Variants in CDYL observed in about 807,000 individuals in gnomAD.
CDYL encodes the protein chromodomain Y like.
Under a neutral mutation model 47.3 loss-of-function variants are expected in CDYL, and 8 were observed. That is an observed-to-expected ratio of 0.17 (90% confidence interval 0.10 to 0.31). CDYL has a LOEUF of 0.31. Among genes scored for constraint, CDYL ranks in the 10% least tolerant of loss-of-function variants. CDYL has a pLI of 1.00. For synonymous variants in CDYL, 266 were observed against 265.0 expected (o/e 1.00, Z -0.04); for missense variants, 471 against 701.4 (o/e 0.67, Z 3.71).
chr6:4,782,804 G>A (rs1001542454), intron 1 of CDYL, among the ~76,000 whole-genome samples: 1 of 152,122 alleles, frequency 6.6e-6, no homozygotes, highest in African/African-American at 2.4e-5. Context: ...TGCCCTCCAC[G>A]GACCACTTTG....
At chr6:4,730,154 G>A (rs1226928658) in intron 2 of CDYL, among the ~76,000 whole-genome samples, 1 of 152,136 alleles carries the variant, frequency 6.6e-6, no homozygotes, top group Non-Finnish European at 1.5e-5. Context: ...TTTGCTGGGG[G>A]TAAACTACAG....
At chr6:4,881,584 A>G (rs942985480) in intron 1 of CDYL, among the ~76,000 whole-genome samples, 1 of 152,232 alleles carries the variant, frequency 6.6e-6, no homozygotes, top group African/African-American at 2.4e-5. Flanking sequence ...TTGTAACAGT[A>G]TAATTCAATT....
At position 4,895,378 on chromosome 6, in the gene CDYL, T is replaced by TATATATGTGCATATATGCATGTATAC. The variant is rs1554105748; in HGVS notation, c.691+3002_691+3027dup. On this transcript the variant is annotated intron_variant, in intron 2 of 6. Coordinates refer to ENST00000397588, the MANE Select transcript of CDYL (RefSeq NM_004824.4). ...ATATATGTGCATATATGCATGTATG[T>TATATATGTGCATATATGCATGTATAC]ATATATGTGCATATATGCATGTATA... Among the ~76,000 whole-genome samples the TATATATGTGCATATATGCATGTATAC allele has an allele frequency of 2.6e-4, 27 of 102,592 alleles. 11 individuals carry two copies. Among genetic ancestry groups the TATATATGTGCATATATGCATGTATAC allele is most frequent in the African/African-American group, 1.3e-3 (27 of 20,498 alleles). 67.3% of individuals were successfully genotyped at this position (102,592 alleles called of 152,430 possible). A position where few individuals can be genotyped will look rare whatever the true frequency, so the allele number is the denominator to read the frequency against.
chr6:4,707,066 G>GT (rs1046348321), intron 1 of CDYL, among the ~76,000 whole-genome samples: 3 of 152,066 alleles, frequency 2.0e-5, no homozygotes, highest in South Asian at 2.1e-4. Context: ...CCTCAATCAG[G>GT]TTTTTTTAAG....
intron 4 of CDYL, 118 bp downstream of exon 4, chr6:4,937,855 G>A: frequency 1.3e-6 from 1 of 744,460 alleles, no homozygotes; most frequent in Non-Finnish European, 2.1e-6. Context: ...CTCCCATGGA[G>A]AGACACGAGC....
At chr6:4,782,847 A>G (rs1581163741) in intron 1 of CDYL, among the ~76,000 whole-genome samples, 1 of 151,760 alleles carries the variant, frequency 6.6e-6, no homozygotes. Flanking sequence ...CTCTGCCACA[A>G]ATTACAGTAA....
intron 3 of CDYL, among the ~76,000 whole-genome samples, chr6:4,765,500 A>C (rs1038272481): frequency 1.3e-5 from 2 of 152,056 alleles, no homozygotes; most frequent in Non-Finnish European, 2.9e-5. Flanking sequence ...GGGAATTTAT[A>C]GGTTTTAATT....
intron 5 of CDYL, among the ~76,000 whole-genome samples, chr6:4,950,274 C>T (rs1031126581): frequency 6.6e-6 from 1 of 152,190 alleles, no homozygotes; most frequent in African/African-American, 2.4e-5. Context: ...TGTGATTGAA[C>T]CGCAGACACC....
chr6:4,942,138 C>T (rs1173109286), intron 4 of CDYL, among the ~76,000 whole-genome samples: 4 of 152,144 alleles, frequency 2.6e-5, no homozygotes, highest in African/African-American at 9.7e-5. Context: ...TCTAAGAATG[C>T]CTCAGGCTCT....
At chr6:4,844,053 G>A (rs1243516191) in intron 1 of CDYL, among the ~76,000 whole-genome samples, 12 of 152,096 alleles carry the variant, frequency 7.9e-5, no homozygotes, top group Admixed American at 7.9e-4. Flanking sequence ...CTTCCCCTGG[G>A]GATGTGGCTT....
intron 3 of CDYL, among the ~76,000 whole-genome samples, chr6:4,748,752 G>A (rs1757939600): frequency 6.6e-6 from 1 of 151,976 alleles, no homozygotes; most frequent in East Asian, 1.9e-4. Context: ...GATGGAAGAA[G>A]GAGAGGTAAA....
chr6:4,944,911 C>T (rs1014591793), intron 5 of CDYL, among the ~76,000 whole-genome samples: 1 of 152,174 alleles, frequency 6.6e-6, no homozygotes, highest in African/African-American at 2.4e-5. Context: ...GGAACACAGC[C>T]TTCGTCGCTG....
chr6:4,929,744 T>C (rs1244275932), intron 2 of CDYL, among the ~76,000 whole-genome samples: 1 of 152,238 alleles, frequency 6.6e-6, no homozygotes, highest in Non-Finnish European at 1.5e-5. Context: ...CATGTTTTTC[T>C]TTAAATGCTT....
At chr6:4,740,879 T>A (rs4263619) in intron 3 of CDYL, among the ~76,000 whole-genome samples, 1 of 151,802 alleles carries the variant, frequency 6.6e-6, no homozygotes, top group Admixed American at 6.6e-5. Context: ...CTCCGCCTCC[T>A]GGGTTTAAAC....
chr6:4,856,309 G>A (rs1426070662), intron 1 of CDYL, among the ~76,000 whole-genome samples: 12 of 152,250 alleles, frequency 7.9e-5, no homozygotes, highest in Non-Finnish European at 1.5e-4. Flanking sequence ...TCGCTGGGTT[G>A]TTGGTGTCAC....
chr6:4,768,637 T>C lies in CDYL; in HGVS notation c.186+33793T>C, dbSNP rs1295874566. ...GAGAGAAATCTCCTATGCAGAAGAA[T>C]TGTAGATACTTTTTGTAGACACTCT... is the stretch of plus-strand genomic sequence containing the variant. On this transcript the variant is annotated intron_variant, in intron 3 of 8. Transcript: ENST00000328908. 3.3e-5 allele frequency among the ~76,000 whole-genome samples: 5 copies of C among 152,136 alleles called. No homozygotes were observed. In the South Asian group the frequency reaches 1.0e-3, roughly 32 times the overall value.
At chr6:4,847,185 G>A (rs1048111890) in intron 1 of CDYL, among the ~76,000 whole-genome samples, 1 of 152,182 alleles carries the variant, frequency 6.6e-6, no homozygotes, top group Non-Finnish European at 1.5e-5. Context: ...CAAATTTCTG[G>A]TTCCCTCCTA....
At chr6:4,757,269 G>A (rs1758089886) in intron 3 of CDYL, among the ~76,000 whole-genome samples, 1 of 152,138 alleles carries the variant, frequency 6.6e-6, no homozygotes. Context: ...GCAATTGTTA[G>A]GATTATTCTG....
At chr6:4,785,318 T>G (rs1361814451) in intron 1 of CDYL, among the ~76,000 whole-genome samples, 1 of 152,244 alleles carries the variant, frequency 6.6e-6, no homozygotes, top group Non-Finnish European at 1.5e-5. Flanking sequence ...TAGTATACTT[T>G]CTTTTTTGTG....
Sources: gnomAD v4.1 joint callset for allele counts (sites outside exome capture counted in the v4.1 genomes callset) on GRCh38, gnomAD v4.1.1 for gene constraint, MANE v1.5 for transcripts, NCBI Gene and HGNC (gene_info 2026-07-23, HGNC 2026-07-21) for gene names.